GRIN2C: variants seen among roughly 807,000 people sequenced by gnomAD.
GRIN2C encodes glutamate ionotropic receptor NMDA type subunit 2C.
Under a neutral mutation model 77.7 loss-of-function variants are expected in GRIN2C, and 64 were observed. That is an observed-to-expected ratio of 0.82 (90% CI 0.67 to 1.01). The LOEUF is 1.01. Among genes scored for constraint, GRIN2C ranks in the 50% least tolerant of loss-of-function variants. The pLI is 0.00. For synonymous variants in GRIN2C, 792 were observed against 643.4 expected (o/e 1.23, Z -3.49); for missense variants, 1,549 against 1,486.0 (o/e 1.04, Z -0.70).
chr17:74,842,847 G>A lies in GRIN2C; in HGVS notation c.3290C>T (p.Pro1097Leu), dbSNP rs1220245861. ...AEAFARPSSL[P>L]AGCTGPACAR... ...GCAGGCGGGGCCGGTGCACCCAGCG[G>A]GCAGCGAGCTGGGCCGAGCGAAGGC... The change falls in exon 13 of 13, where the codon CCC becomes CTC. Residue 1097 changes from proline (P) to leucine (L), a missense_variant. This residue lies in a region of GRIN2C where 450 missense variants were observed against 267.9 expected (regional missense o/e 1.68). Coordinates refer to ENST00000293190, the MANE Select transcript of GRIN2C (RefSeq NM_000835.6). 1.7e-6 allele frequency: 1 copy of A among 589,332 alleles called. No individual in the cohort carries two copies. Among genetic ancestry groups the A allele is most frequent in the Non-Finnish European group, 2.9e-6 (1 of 339,114 alleles). 36.5% of individuals were successfully genotyped at this position (589,332 alleles called of 1,614,324 possible).
intron 4 of GRIN2C, 25 bp downstream of exon 4, chr17:74,851,552 G>GC: frequency 7.3e-7 from 1 of 1,367,548 alleles, no homozygotes; most frequent in Non-Finnish European, 1.0e-6. Flanking sequence ...GACACTGAGG[G>GC]CCCCTGGGCT....
rs1020058631 is a variant in GRIN2C at position 74,859,588 on chromosome 17, G to C, written c.-16+156C>G. On this transcript the variant is annotated intron_variant, in intron 1 of 12. Transcript: ENST00000293190. This position sits in a 1 kb window ranked among gnomAD's most constrained non-coding sequence, Gnocchi z 5.9. ...GCCCAGCCAAAACCCGAACCCAGGC[G>C]CCAGGGGAGAGGACCGCCGTTCTAG... 2.0e-5 allele frequency among the ~76,000 whole-genome samples: 3 copies of C among 151,422 alleles called. No homozygotes were observed. Among genetic ancestry groups the C allele is most frequent in the Non-Finnish European group, 2.9e-5 (2 of 67,908 alleles).
intron 1 of GRIN2C, among the ~76,000 whole-genome samples, chr17:74,855,445 G>T (rs925040960): frequency 3.3e-5 from 5 of 152,200 alleles, no homozygotes; most frequent in Non-Finnish European, 7.3e-5. Context: ...ATGCTAGTCT[G>T]GGGTTCAAGT....
At chr17:74,843,960 G>C in intron 12 of GRIN2C, 1 of 498,336 alleles carries the variant, frequency 2.0e-6, no homozygotes, top group South Asian at 2.8e-5. Flanking sequence ...TGCAACCTCT[G>C]CCTTCTTGGC....
At chr17:74,851,514 A>T in intron 4 of GRIN2C, 63 bp downstream of exon 4, 1 of 902,870 alleles carries the variant, frequency 1.1e-6, no homozygotes, top group Non-Finnish European at 1.8e-6. Flanking sequence ...AGCTGTGGGC[A>T]CAAGAGGAGG....
At position 74,850,415 on chromosome 17, in the gene GRIN2C, C is replaced by G. The variant is rs201030716; in HGVS notation, c.1326-44G>C. On this transcript the variant is annotated intron_variant, in intron 5 of 12. Transcript: ENST00000293190. This position sits in a 1 kb window ranked among gnomAD's most constrained non-coding sequence, Gnocchi z 5.3. ...GAGACCACCGGGAGTCAGAGTATGT[C>G]GTGGCCCAGCCCCGCCCCAGCCACT... is the stretch of plus-strand genomic sequence containing the variant. 4.4e-6 allele frequency: 7 copies of G among 1,597,590 alleles called. No individual in the cohort carries two copies. The highest frequency in any genetic ancestry group is 1.3e-5 in the African/African-American group (1 of 74,750).
At position 74,847,159 on chromosome 17, in the gene GRIN2C, C is replaced by T. The variant is rs1389410074; in HGVS notation, c.2001+149G>A. The stretch of plus-strand genomic sequence containing the variant: ...CCTGAGCCATCTCTTGCCCCAGCCC[C>T]CAACCCCTTCTCAGCAGGCCCTGAA... On this transcript the variant is annotated intron_variant, in intron 9 of 12. Transcript: ENST00000293190. The surrounding 1 kb of genome is among the most constrained non-coding windows in gnomAD (Gnocchi z 5.2). 1.3e-6 allele frequency: 1 copy of T among 747,584 alleles called. No individual in the cohort carries two copies. Among genetic ancestry groups the T allele is most frequent in the Non-Finnish European group, 2.2e-6 (1 of 459,792 alleles). 46.3% of individuals were successfully genotyped at this position (747,584 alleles called of 1,614,324 possible). A position where few individuals can be genotyped will look rare whatever the true frequency, so the allele number is the denominator to read the frequency against.
rs879239264 is a variant in GRIN2C, at chr17:74,852,623, C to A, written c.400-12G>T. On this transcript the variant is annotated splice_polypyrimidine_tract_variant and intron_variant, in intron 2 of 12. Transcript: ENST00000293190. ...GCGGAGCCCGGCTCCTGGGGGCGGGCGGGGCCTGAGCGGGGCGGGAGGGCC... is the reference window on the plus strand; with the variant it reads ...GCGGAGCCCGGCTCCTGGGGGCGGGAGGGGCCTGAGCGGGGCGGGAGGGCC... The A allele has an allele frequency of 3.5e-6, 4 of 1,147,658 alleles. No homozygotes were observed. The highest frequency in any genetic ancestry group is 4.0e-5 in the African/African-American group (1 of 25,304). The allele number at this position is 1,147,658 out of a possible 1,614,324, so 71.1% of individuals were successfully genotyped here.
intron 4 of GRIN2C, chr17:74,851,367 G>A (rs934182445): frequency 4.5e-5 from 25 of 551,688 alleles, no homozygotes; most frequent in African/African-American, 2.6e-4. Flanking sequence ...GAGGGAAGCC[G>A]GGGTGTTATG....
chr17:74,850,079 G>A lies in GRIN2C; in HGVS notation c.1491+127C>T, dbSNP rs538737886. 4 of 1,339,972 alleles carry A rather than the reference G, an allele frequency of 3.0e-6. No homozygotes were observed. Among genetic ancestry groups the A allele is most frequent in the Admixed American group, 3.7e-5 (2 of 53,826 alleles). 83.0% of individuals were successfully genotyped at this position (1,339,972 alleles called of 1,614,324 possible). A position where few individuals can be genotyped will look rare whatever the true frequency, so the allele number is the denominator to read the frequency against. On this transcript the variant is annotated intron_variant, in intron 6 of 12. Coordinates refer to ENST00000293190, the MANE Select transcript of GRIN2C (RefSeq NM_000835.6). The surrounding 1 kb of genome is among the most constrained non-coding windows in gnomAD (Gnocchi z 5.3). ...CCCTCAGAGCTCAGCTTTCAGTACTGACCACCCCAGGAGTCATCATTGGTG... is the reference window on the plus strand; with the variant it reads ...CCCTCAGAGCTCAGCTTTCAGTACTAACCACCCCAGGAGTCATCATTGGTG...
upstream of GRIN2C, among the ~76,000 whole-genome samples, chr17:74,861,162 C>T (rs1376164047): frequency 6.6e-6 from 1 of 152,198 alleles, no homozygotes; most frequent in Non-Finnish European, 1.5e-5. Context: ...ACGCTTCGCC[C>T]GCGTCCTTCT....
At position 74,849,725 on chromosome 17, in the gene GRIN2C, C is replaced by A; in HGVS notation, c.1645+55G>T. ...CCATCCCCACCCAAGCTGTACACAC[C>A]CTCCTCGTGGGCCCCTCTGCCCCCG... On this transcript the variant is annotated intron_variant, in intron 7 of 12. Transcript: ENST00000293190. This position sits in a 1 kb window ranked among gnomAD's most constrained non-coding sequence, Gnocchi z 4.6. The A allele has an allele frequency of 6.5e-7, 1 of 1,547,160 alleles. No homozygotes were observed. The highest frequency in any genetic ancestry group is 8.8e-7 in the Non-Finnish European group (1 of 1,138,478).
In GRIN2C at chr17:74,852,279, A is replaced by G. The variant is rs2144598216; in HGVS notation, c.732T>C (p.Gly244=). 19 of 1,413,786 alleles carry G rather than the reference A, an allele frequency of 1.3e-5. No homozygotes were observed. The highest frequency in any genetic ancestry group is 1.7e-5 in the Non-Finnish European group (18 of 1,090,452). 87.6% of individuals were successfully genotyped at this position (1,413,786 alleles called of 1,614,324 possible). Residue 244 remains glycine (G), a synonymous_variant, in exon 3 of 13, where the codon GGT becomes GGC. Transcript: ENST00000293190. ...GCCACACGTGGCCGGGCCCCACCAG[A>G]CCGGCCTGCGCCGCCTCGGCGAAGA... ...EVLFAEAAQA[G]LVGPGHVWLV...
chr17:74,858,072 G>C (rs956084275), intron 1 of GRIN2C, among the ~76,000 whole-genome samples: 9 of 152,044 alleles, frequency 5.9e-5, no homozygotes, highest in Admixed American at 5.9e-4. Context: ...TCCCTCAACT[G>C]CAAAGGGGCA....
intron 1 of GRIN2C, among the ~76,000 whole-genome samples, chr17:74,856,144 T>A (rs562256465): frequency 6.6e-6 from 1 of 152,210 alleles, no homozygotes; most frequent in African/African-American, 2.4e-5. Context: ...ACACAAAGCC[T>A]GAGTGGAGTG....
At position 74,854,936 on chromosome 17, in the gene GRIN2C, G is replaced by T; in HGVS notation, c.157C>A (p.Gln53Lys). The T allele has an allele frequency of 6.2e-7, 1 of 1,613,334 alleles. No homozygotes were observed. The highest frequency in any genetic ancestry group is 2.2e-5 in the East Asian group (1 of 44,874). Reference protein sequence around the residue: ...QAQFRARLTPQSFLDLPLEIQ... With the variant: ...QAQFRARLTPKSFLDLPLEIQ... ...TCCAGGGGTAGGTCCAGGAAGCTCT[G>T]GGGGGTGAGGCGGGCACGGAACTGG... Residue 53 changes from glutamine to lysine, a missense_variant, in exon 2 of 13, where the codon CAG (glutamine) becomes AAG (lysine). By Grantham distance (53) the Gln-to-Lys change is moderately conservative (BLOSUM62 1). This residue lies in a region of GRIN2C where 382 missense variants were observed against 360.0 expected (regional missense o/e 1.06). Transcript: ENST00000293190.
chr17:74,844,159 C>A, intron 12 of GRIN2C, 117 bp downstream of exon 12: 1 of 1,491,146 alleles, frequency 6.7e-7, no homozygotes, highest in Non-Finnish European at 8.9e-7. Context: ...CAGGTGTGAG[C>A]CATGAGCCGG....
intron 1 of GRIN2C, among the ~76,000 whole-genome samples, chr17:74,856,785 CTCTT>C (rs1321795228): frequency 1.3e-5 from 2 of 152,194 alleles, no homozygotes; most frequent in African/African-American, 2.4e-5. Flanking sequence ...AGCTATCTCT[CTCTT>C]TTTTTTTAAT....
At chr17:74,857,551 C>T (rs2037849506) in intron 1 of GRIN2C, among the ~76,000 whole-genome samples, 1 of 152,228 alleles carries the variant, frequency 6.6e-6, no homozygotes, top group African/African-American at 2.4e-5. Context: ...CACCACCAAT[C>T]AGGGATGTCA....
Sources: gnomAD v4.1 joint callset for allele counts (sites outside exome capture counted in the v4.1 genomes callset) on GRCh38, gnomAD v4.1.1 for gene constraint, gnomAD v4.1.1 regional missense constraint, Gnocchi (gnomAD v3.1) non-coding constraint, MANE v1.5 for transcripts, NCBI Gene and HGNC (gene_info 2026-07-23, HGNC 2026-07-21) for gene names.